Variants in CLDN16 observed in about 807,000 individuals in gnomAD.
CLDN16 encodes claudin-16.
A neutral mutation model predicts 24.6 loss-of-function variants in CLDN16; 13 were observed. The observed-to-expected ratio is 0.53, with a 90% confidence interval of 0.34 to 0.84. The LOEUF (loss-of-function observed/expected upper bound fraction) is 0.84. CLDN16 is among the 40% of genes least tolerant of loss of function. The probability of loss-of-function intolerance (pLI) is 0.01; values close to 1 mark genes in which losing one functional copy is unlikely to be tolerated. For missense variants in CLDN16, 298 were observed against 292.7 expected, an observed-to-expected ratio of 1.02 and a Z score of -0.13; for synonymous variants, 116 against 106.7, an observed-to-expected ratio of 1.09 and a Z score of -0.54.
rs1167998468 is a variant in CLDN16, at chr3:190,411,319, T to C, written c.*1283T>C. 2 of 152,130 alleles carry C rather than the reference T, an allele frequency of 1.3e-5. No homozygotes were observed. Among genetic ancestry groups the C allele is most frequent in the Non-Finnish European group, 2.9e-5 (2 of 68,016 alleles). The allele number at this position is 152,130 out of a possible 1,614,324, so 9.4% of individuals were successfully genotyped here. A position where few individuals can be genotyped will look rare whatever the true frequency, so the allele number is the denominator to read the frequency against. On this transcript the variant is annotated 3_prime_UTR_variant, in exon 5 of 5. Transcript: ENST00000264734. The stretch of plus-strand genomic sequence containing the variant: ...CATAAAATGTGGGTTTTGGGGAAAA[T>C]ATAGAATTACATATACATTTAACGA...
At chr3:190,308,499 A>G in the CLDN16 span, 1 of 1,488,558 alleles carries the variant, frequency 6.7e-7, no homozygotes, top group Non-Finnish European at 9.3e-7. Context: ...TTTCTAATAT[A>G]ATAAAAGGAA....
the CLDN16 span, among the ~76,000 whole-genome samples, chr3:190,300,965 A>G: frequency 6.6e-6 from 1 of 152,238 alleles, no homozygotes; most frequent in East Asian, 1.9e-4. Flanking sequence ...GGATCCGGTA[A>G]TGAGAAAAAT....
intron 1 of CLDN16, among the ~76,000 whole-genome samples, chr3:190,351,623 A>G (rs983746477): frequency 6.6e-6 from 1 of 152,160 alleles, no homozygotes; most frequent in Admixed American, 6.6e-5. Context: ...TGTTATTATT[A>G]CTTTTTAAGG....
At chr3:190,376,825 A>G (rs1386355414) in intron 3 of CLDN16, among the ~76,000 whole-genome samples, 1 of 151,968 alleles carries the variant, frequency 6.6e-6, no homozygotes, top group African/African-American at 2.4e-5. Flanking sequence ...TATCTCAGGC[A>G]GTTCTTTCTC....
At chr3:190,316,917 T>A in the CLDN16 span, among the ~76,000 whole-genome samples, 1 of 152,234 alleles carries the variant, frequency 6.6e-6, no homozygotes, top group Admixed American at 6.5e-5. Flanking sequence ...CTTAGGTCAC[T>A]GATAACTAGA....
intron 1 of CLDN16, among the ~76,000 whole-genome samples, chr3:190,325,816 C>T (rs1436115097): frequency 6.6e-6 from 1 of 152,096 alleles, no homozygotes; most frequent in Admixed American, 6.5e-5. Context: ...GTGGTAAAAG[C>T]AGAACGAATG....
At chr3:190,318,663 A>G (rs1021549173), upstream of CLDN16, among the ~76,000 whole-genome samples, 6 of 152,212 alleles carry the variant, frequency 3.9e-5, no homozygotes, top group Non-Finnish European at 7.3e-5. Flanking sequence ...TTTTGCTTCA[A>G]CTTCCATTAT....
intron 1 of CLDN16, among the ~76,000 whole-genome samples, chr3:190,363,229 A>ACCGTTCAATTTGCTATTGACC (rs1313952256): frequency 6.6e-6 from 1 of 151,626 alleles, no homozygotes; most frequent in Admixed American, 6.6e-5. Flanking sequence ...TGCTATTGAC[A>ACCGTTCAATTTGCTATTGACC]CCATTCAATG....
At chr3:190,406,896 C>G (rs930242955) in intron 3 of CLDN16, among the ~76,000 whole-genome samples, 2 of 152,038 alleles carry the variant, frequency 1.3e-5, no homozygotes, top group African/African-American at 4.8e-5. Flanking sequence ...CGCCCACCAC[C>G]ACGCCTGGCT....
chr3:190,380,245 C>T (rs796955433), intron 3 of CLDN16, among the ~76,000 whole-genome samples: 268 of 44,726 alleles, frequency 6.0e-3, no homozygotes, highest in Middle Eastern at 0.025. Context: ...TCCCTCCCTT[C>T]CTTCCTTCCT....
chr3:190,392,963 T>G (rs146116072), intron 1 of CLDN16, among the ~76,000 whole-genome samples: 1 of 152,116 alleles, frequency 6.6e-6, no homozygotes, highest in East Asian at 1.9e-4. Context: ...AAGGGTAAAA[T>G]GAGGTATGGG....
chr3:190,373,846 A>T (rs1353468494), intron 2 of CLDN16, among the ~76,000 whole-genome samples: 1 of 6,746 alleles, frequency 1.5e-4, no homozygotes, highest in African/African-American at 7.3e-4. Context: ...CCCATATTAA[A>T]AAAAAAAAAA....
chr3:190,400,530 C>G (rs552457705), intron 1 of CLDN16, among the ~76,000 whole-genome samples: 1 of 152,264 alleles, frequency 6.6e-6, no homozygotes, highest in Non-Finnish European at 1.5e-5. Context: ...CGTGCCCGAC[C>G]GAGATCAACT....
chr3:190,399,094 G>T (rs1267970621), intron 1 of CLDN16, among the ~76,000 whole-genome samples: 1 of 152,104 alleles, frequency 6.6e-6, no homozygotes, highest in East Asian at 1.9e-4. Context: ...GGTGAAGTTC[G>T]CAGAATAATA....
At chr3:190,308,111 T>G in the CLDN16 span, 1 of 783,632 alleles carries the variant, frequency 1.3e-6, no homozygotes, top group South Asian at 1.5e-5. Flanking sequence ...TAAGCCATGT[T>G]TAGCACTGAG....
At chr3:190,315,214 A>G in the CLDN16 span, among the ~76,000 whole-genome samples, 3 of 152,212 alleles carry the variant, frequency 2.0e-5, no homozygotes, top group African/African-American at 7.2e-5. Flanking sequence ...ATGCCTGAAG[A>G]GGAGATGCTG....
At chr3:190,355,228 C>T (rs765581750) in intron 1 of CLDN16, among the ~76,000 whole-genome samples, 6 of 151,834 alleles carry the variant, frequency 4.0e-5, no homozygotes, top group African/African-American at 1.2e-4. Flanking sequence ...CAGGGTTTGT[C>T]GTGGCTAGAC....
chr3:190,395,472 G>C (rs1718793798), intron 1 of CLDN16, among the ~76,000 whole-genome samples: 1 of 151,874 alleles, frequency 6.6e-6, no homozygotes, highest in African/African-American at 2.4e-5. Context: ...AAAATGTAAA[G>C]GTAAAATGTT....
chr3:190,308,501 TA>T, the CLDN16 span: 1 of 1,482,778 alleles, frequency 6.7e-7, no homozygotes, highest in East Asian at 2.3e-5. Flanking sequence ...TCTAATATAA[TA>T]AAAGGAAAAA....
Sources: allele counts gnomAD v4.1 joint callset (sites outside exome capture counted in the v4.1 genomes callset), GRCh38; gene constraint gnomAD v4.1.1; transcripts MANE v1.5; gene names NCBI Gene and HGNC (gene_info 2026-07-23, HGNC 2026-07-21).